KIAA1217: variants seen among roughly 807,000 people sequenced by gnomAD.
KIAA1217 encodes sickle tail protein homolog.
In KIAA1217, 88 loss-of-function variants were observed where a neutral mutation model predicts 163.9. That is an observed-to-expected ratio of 0.54 (90% confidence interval 0.45 to 0.64). The LOEUF is 0.64. Ranked by LOEUF, KIAA1217 falls within the 30% of genes least tolerant of loss-of-function variation. KIAA1217 has a pLI of 0.00. For synonymous variants in KIAA1217, 903 were observed against 923.1 expected (o/e 0.98, Z 0.39); for missense variants, 2,372 against 2,475.0 (o/e 0.96, Z 0.88).
chr10:23,751,778 C>A (rs557957341), intron 1 of KIAA1217, among the ~76,000 whole-genome samples: 1 of 152,176 alleles, frequency 6.6e-6, no homozygotes, highest in South Asian at 2.1e-4. Context: ...TCTGCAGGGG[C>A]TTCTTGTGAG....
chr10:24,216,460 A>T (rs982047835), intron 1 of KIAA1217, among the ~76,000 whole-genome samples: 1 of 152,156 alleles, frequency 6.6e-6, no homozygotes, highest in Non-Finnish European at 1.5e-5. Flanking sequence ...CTGTTAATTC[A>T]TCTAGCTGTC....
intron 1 of KIAA1217, among the ~76,000 whole-genome samples, chr10:23,912,557 C>A (rs1022119200): frequency 6.6e-6 from 1 of 152,036 alleles, no homozygotes; most frequent in African/African-American, 2.4e-5. Context: ...TTGTTTAGCT[C>A]CCACTTACAA....
chr10:23,966,932 G>T (rs1470409059), intron 1 of KIAA1217, among the ~76,000 whole-genome samples: 1 of 152,036 alleles, frequency 6.6e-6, no homozygotes, highest in Non-Finnish European at 1.5e-5. Context: ...TAGAGTCTTT[G>T]GTTTGACAAG....
intron 2 of KIAA1217, among the ~76,000 whole-genome samples, chr10:24,264,765 TTCTC>T (rs55761615): frequency 0.26 from 33,939 of 131,814 alleles, 3,500 homozygotes; most frequent in Non-Finnish European, 0.32. Flanking sequence ...CGGTCGGTCT[TTCTC>T]TCTCTCTCTC....
chr10:24,027,141 G>A (rs1426842600), intron 2 of KIAA1217, among the ~76,000 whole-genome samples: 1 of 151,730 alleles, frequency 6.6e-6, no homozygotes, highest in Non-Finnish European at 1.5e-5. Flanking sequence ...TCATAGTTCT[G>A]TGCAGCACCT....
rs1338037261 is a variant in KIAA1217 at position 24,130,219 on chromosome 10, G to A, written c.-170-89407G>A. On this transcript the variant is annotated intron_variant, in intron 2 of 18. Coordinates refer to the KIAA1217 transcript ENST00000376462. The stretch of plus-strand genomic sequence containing the variant: ...GTTTCACTCTGTCTCCCAGGCTGGA[G>A]CGCAATGGCGCAATCATAGTTCACT... Among the ~76,000 whole-genome samples, 4 of 152,138 alleles carry A rather than the reference G, an allele frequency of 2.6e-5. No homozygotes were observed. In the East Asian group the frequency reaches 7.7e-4, roughly 29 times the overall value.
intron 2 of KIAA1217, among the ~76,000 whole-genome samples, chr10:24,141,726 A>C (rs1251010982): frequency 3.3e-5 from 5 of 152,180 alleles, no homozygotes; most frequent in Admixed American, 6.5e-5. Context: ...TAAACAATTA[A>C]ATTCACATTG....
At chr10:23,803,614 T>C (rs1396346715) in intron 1 of KIAA1217, among the ~76,000 whole-genome samples, 1 of 152,238 alleles carries the variant, frequency 6.6e-6, no homozygotes, top group Non-Finnish European at 1.5e-5. Context: ...ATCGTGCAGA[T>C]GCATTTTGAT....
In KIAA1217 at chr10:23,910,899, C is replaced by T. The variant is rs571916642; in HGVS notation, c.-320-96326C>T. Among the ~76,000 whole-genome samples, 244 of 152,234 alleles carry T rather than the reference C, an allele frequency of 1.6e-3. 1 individual carries two copies. The highest frequency in any genetic ancestry group is 3.3e-3 in the Admixed American group (51 of 15,282). On this transcript the variant is annotated intron_variant, in intron 1 of 18. Transcript: ENST00000376462. ...TTTGAAAATGATGGGCTTCAAGGCT[C>T]CTCCAAGGATCTACTGATCTGCACC...
At chr10:24,077,042 A>C (rs2061391315) in intron 2 of KIAA1217, among the ~76,000 whole-genome samples, 1 of 151,752 alleles carries the variant, frequency 6.6e-6, no homozygotes, top group Non-Finnish European at 1.5e-5. Context: ...ATGCCTGGCT[A>C]ATTTTTGTAT....
intron 1 of KIAA1217, among the ~76,000 whole-genome samples, chr10:23,730,383 G>C (rs1346537622): frequency 6.6e-6 from 1 of 152,048 alleles, no homozygotes; most frequent in Non-Finnish European, 1.5e-5. Context: ...TTTGTCTACT[G>C]TTTGGCGAAT....
At chr10:24,338,676 A>G (rs2133770867) in intron 2 of KIAA1217, among the ~76,000 whole-genome samples, 1 of 152,358 alleles carries the variant, frequency 6.6e-6, no homozygotes, top group East Asian at 1.9e-4. Context: ...ACATAATGTA[A>G]ACGTATTTGC....
At chr10:24,125,322 C>CTGTGTGTGTGTGTGTGTG (rs58143239) in intron 2 of KIAA1217, among the ~76,000 whole-genome samples, 12 of 143,818 alleles carry the variant, frequency 8.3e-5, no homozygotes, top group Non-Finnish European at 1.2e-4. Context: ...ATCCTATGCT[C>CTGTGTGTGTGTGTGTGTG]TGTGTGTGTG....
At chr10:23,779,899 T>TAC in intron 1 of KIAA1217, among the ~76,000 whole-genome samples, 1 of 152,244 alleles carries the variant, frequency 6.6e-6, no homozygotes, top group Non-Finnish European at 1.5e-5. Flanking sequence ...TGTGTTACAA[T>TAC]TGCCTACAAT....
chr10:23,816,933 TCTGCTGTTCTCAGGCTGCAGCATATA>T (rs1252163764), intron 1 of KIAA1217, among the ~76,000 whole-genome samples: 2 of 152,306 alleles, frequency 1.3e-5, no homozygotes, highest in East Asian at 3.9e-4. Flanking sequence ...AAAGGATGAC[TCTGCTGTTCTCAGGCTGCAGCATATA>T]CTGCTATCCC....
intron 2 of KIAA1217, among the ~76,000 whole-genome samples, chr10:24,022,761 G>A (rs2042949914): frequency 6.6e-6 from 1 of 151,414 alleles, no homozygotes. Flanking sequence ...TCCTAAACGG[G>A]AATATTATGT....
chr10:24,506,039 G>A (rs1169298419), intron 9 of KIAA1217, among the ~76,000 whole-genome samples: 3 of 152,064 alleles, frequency 2.0e-5, no homozygotes, highest in Non-Finnish European at 4.4e-5. Flanking sequence ...ACTAGTACAG[G>A]GCTTGACGAT....
At chr10:24,256,559 C>T (rs1014286898) in intron 2 of KIAA1217, among the ~76,000 whole-genome samples, 4 of 152,074 alleles carry the variant, frequency 2.6e-5, no homozygotes, top group Admixed American at 2.6e-4. Context: ...AAGCACAGTC[C>T]CCACATTTGA....
chr10:24,088,365 A>G (rs1242048566), intron 2 of KIAA1217, among the ~76,000 whole-genome samples: 9 of 117,658 alleles, frequency 7.6e-5, no homozygotes, highest in African/African-American at 1.0e-4. Flanking sequence ...TTACATATGT[A>G]TACATGTGCC....
Sources: allele counts gnomAD v4.1 joint callset (sites outside exome capture counted in the v4.1 genomes callset), GRCh38; gene constraint gnomAD v4.1.1; transcripts MANE v1.5; gene names NCBI Gene and HGNC (gene_info 2026-07-23, HGNC 2026-07-21).